The following RBFOX1 variants were observed in gnomAD, a reference collection of about 807,000 sequenced individuals.
The protein encoded by RBFOX1 is RNA binding fox-1 homolog 1, also known as RNA binding protein fox-1 homolog 1.
Under a neutral mutation model 57.7 loss-of-function variants are expected in RBFOX1, and 8 were observed. That is an observed-to-expected ratio of 0.14 (90% confidence interval 0.08 to 0.25). The LOEUF (loss-of-function observed/expected upper bound fraction) is 0.25, where lower values mean the gene tolerates loss of function less well. RBFOX1 is among the 10% of genes least tolerant of loss of function. The pLI, the probability that RBFOX1 is intolerant of heterozygous loss-of-function variation, is 1.00. For synonymous variants in RBFOX1, 326 were observed against 222.4 expected, an observed-to-expected ratio of 1.47 and a Z score of -4.15; for missense variants, 611 against 548.5, an observed-to-expected ratio of 1.11 and a Z score of -1.14.
At chr16:6,902,056 T>G (rs80006518) in intron 3 of RBFOX1, among the ~76,000 whole-genome samples, 3,394 of 152,268 alleles carry the variant, frequency 0.022, 137 homozygotes, top group African/African-American at 0.077. Flanking sequence ...CATATGGAAA[T>G]ATAAAGTTGC....
At chr16:5,290,098 T>G (rs1204811886) in intron 1 of RBFOX1, among the ~76,000 whole-genome samples, 1 of 152,214 alleles carries the variant, frequency 6.6e-6, no homozygotes, top group African/African-American at 2.4e-5. Context: ...GAGAATATTA[T>G]GCTAAGTGGA....
intron 3 of RBFOX1, among the ~76,000 whole-genome samples, chr16:7,028,937 GA>G (rs1568438141): frequency 6.7e-6 from 1 of 149,768 alleles, no homozygotes; most frequent in Admixed American, 6.7e-5. Flanking sequence ...ATGAAATAAT[GA>G]AAGTTTAAAT....
At chr16:5,843,830 G>C (rs2056686293) in intron 3 of RBFOX1, among the ~76,000 whole-genome samples, 1 of 152,130 alleles carries the variant, frequency 6.6e-6, no homozygotes, top group Non-Finnish European at 1.5e-5. Context: ...GTTGCTGCTG[G>C]CACCAATGAG....
chr16:6,961,344 C>G (rs908741719), intron 3 of RBFOX1, among the ~76,000 whole-genome samples: 1 of 152,262 alleles, frequency 6.6e-6, no homozygotes, highest in East Asian at 1.9e-4. Context: ...GTCCCTGCGT[C>G]CACTCCAGAC....
chr16:6,202,972 C>T lies in RBFOX1; in HGVS notation c.-126-114023C>T, dbSNP rs541957689. 2.6e-5 allele frequency among the ~76,000 whole-genome samples: 4 copies of T among 152,006 alleles called. No individual in the cohort carries two copies. The South Asian group carries it at 8.3e-4, about 32-fold the overall frequency. ...TATTTTTTTGTAGAGATGGGGTTCT[C>T]ACTTTGTTGCCAAGGCTGGTCTTGA... On this transcript the variant is annotated intron_variant, in intron 1 of 15. Coordinates refer to ENST00000550418, the MANE Select transcript of RBFOX1 (RefSeq NM_018723.4).
intron 2 of RBFOX1, among the ~76,000 whole-genome samples, chr16:6,435,296 T>TTTTG (rs1231516553): frequency 5.3e-5 from 8 of 151,676 alleles, no homozygotes; most frequent in East Asian, 3.9e-4. Context: ...ATTGTTGTTG[T>TTTTG]TTTTTGTTTT....
chr16:5,318,034 C>G (rs1254679324), intron 1 of RBFOX1, among the ~76,000 whole-genome samples: 2 of 152,124 alleles, frequency 1.3e-5, no homozygotes, highest in Admixed American at 6.6e-5. Context: ...GAGCTGTGGG[C>G]CTTCAGCATG....
At chr16:5,753,488 A>G (rs2053286409) in intron 3 of RBFOX1, among the ~76,000 whole-genome samples, 1 of 152,216 alleles carries the variant, frequency 6.6e-6, no homozygotes. Flanking sequence ...GAATCCCTCT[A>G]AATATGCGGC....
chr16:6,962,652 C>T (rs895079648), intron 3 of RBFOX1, among the ~76,000 whole-genome samples: 1 of 152,198 alleles, frequency 6.6e-6, no homozygotes, highest in East Asian at 1.9e-4. Context: ...ATTGGTTGAA[C>T]TCAGGAGTTC....
Position 7,450,330 on chromosome 16 carries a change from G to T in RBFOX1, c.28-67817G>T, listed in dbSNP as rs2098841829. On this transcript the variant is annotated intron_variant, in intron 4 of 15. Coordinates refer to ENST00000550418, the MANE Select transcript of RBFOX1 (RefSeq NM_018723.4). Reference sequence around the variant, plus strand: ...AATTGCCTGAACCAGGGAGTCGGAGGTTGCAGTGAGCCGCAATCGCGCCAT... The same window carrying T: ...AATTGCCTGAACCAGGGAGTCGGAGTTTGCAGTGAGCCGCAATCGCGCCAT... Among the ~76,000 whole-genome samples, 3 of 138,400 alleles carry T rather than the reference G, an allele frequency of 2.2e-5. No individual in the cohort carries two copies. The South Asian group carries it at 7.0e-4, about 33-fold the overall frequency. The allele number at this position is 138,400 out of a possible 152,430, so 90.8% of individuals were successfully genotyped here.
chr16:6,082,493 T>A (rs2096018806), intron 1 of RBFOX1, among the ~76,000 whole-genome samples: 2 of 151,394 alleles, frequency 1.3e-5, no homozygotes. Context: ...GGCACTATGC[T>A]TTTATTAGCT....
intron 4 of RBFOX1, among the ~76,000 whole-genome samples, chr16:5,934,502 A>T (rs1341141773): frequency 3.3e-5 from 5 of 152,234 alleles, no homozygotes; most frequent in African/African-American, 4.8e-5. Context: ...TGAAGCCAAG[A>T]TATCCTGGCC....
At chr16:7,580,592 G>A (rs1342770508) in intron 6 of RBFOX1, among the ~76,000 whole-genome samples, 1 of 152,194 alleles carries the variant, frequency 6.6e-6, no homozygotes, top group Non-Finnish European at 1.5e-5. Flanking sequence ...GCACCATGGT[G>A]AAACACAGAG....
intron 3 of RBFOX1, among the ~76,000 whole-genome samples, chr16:5,720,270 A>G (rs2151531735): frequency 6.6e-6 from 1 of 152,128 alleles, no homozygotes; most frequent in South Asian, 2.1e-4. Context: ...TGACTGGGTT[A>G]TTTATATTTT....
At chr16:7,246,330 C>T (rs9939566) in intron 4 of RBFOX1, among the ~76,000 whole-genome samples, 52,069 of 152,002 alleles carry the variant, frequency 0.34, 11,586 homozygotes, top group African/African-American at 0.64. Context: ...TCCCTGTCTC[C>T]GTCCTTGCTC....
intron 1 of RBFOX1, among the ~76,000 whole-genome samples, chr16:6,031,077 C>A (rs1314253183): frequency 6.6e-6 from 1 of 152,110 alleles, no homozygotes; most frequent in Non-Finnish European, 1.5e-5. Context: ...ATGGAGCATT[C>A]ATGTAATAAA....
At chr16:5,448,022 G>A (rs1005280568) in intron 1 of RBFOX1, among the ~76,000 whole-genome samples, 1 of 152,164 alleles carries the variant, frequency 6.6e-6, no homozygotes, top group Non-Finnish European at 1.5e-5. Context: ...TTGAATCTGG[G>A]GGTGGAGTCA....
rs368096576 is a variant in RBFOX1, at chr16:5,956,678, A to ATATATATATTTTTT, written c.351+89344_351+89345insATATATATTTTTTT. ...TATATTTATATATATATATATATAT[A>ATATATATATTTTTT]TTTTTTTTGAGGCACAGTCTCATCC... On this transcript the variant is annotated intron_variant, in intron 4 of 19. Transcript: ENST00000641259. Among the ~76,000 whole-genome samples the ATATATATATTTTTT allele has an allele frequency of 4.3e-5, 5 of 116,506 alleles. No individual in the cohort carries two copies. In the Admixed American group the frequency reaches 5.0e-4, roughly 12 times the overall value. The allele number at this position is 116,506 out of a possible 152,430, so 76.4% of individuals were successfully genotyped here.
chr16:5,669,679 A>G (rs528131205), intron 3 of RBFOX1, among the ~76,000 whole-genome samples: 1 of 152,114 alleles, frequency 6.6e-6, no homozygotes, highest in Non-Finnish European at 1.5e-5. Context: ...TGGCCACCCA[A>G]AGTGGTGAGA....
Sources: gnomAD v4.1 joint callset for allele counts (sites outside exome capture counted in the v4.1 genomes callset) on GRCh38, gnomAD v4.1.1 for gene constraint, MANE v1.5 for transcripts, NCBI Gene and HGNC (gene_info 2026-07-23, HGNC 2026-07-21) for gene names.